LRRC59: variants seen among roughly 807,000 people sequenced by gnomAD.
LRRC59 encodes leucine rich repeat containing 59.
LRRC59 carries 18 observed loss-of-function variants against 33.5 expected under a neutral mutation model. That is an observed-to-expected ratio of 0.54 (90% confidence interval 0.37 to 0.80). The LOEUF is 0.80. Ranked by LOEUF, LRRC59 falls within the 30% of genes least tolerant of loss-of-function variation. The pLI, the probability that LRRC59 is intolerant of heterozygous loss-of-function variation, is 0.00. For missense variants in LRRC59, 330 were observed against 391.9 expected (o/e 0.84, Z 1.33); for synonymous variants, 138 against 160.0 (o/e 0.86, Z 1.04).
intron 4 of LRRC59, among the ~76,000 whole-genome samples, chr17:50,389,912 A>G (rs1043907831): frequency 3.9e-5 from 6 of 152,076 alleles, no homozygotes; most frequent in Non-Finnish European, 8.8e-5. Context: ...CCTGACCGAT[A>G]TGGTGAAACT....
Position 50,381,289 on chromosome 17 carries a change from A to G in LRRC59, c.*1699T>C, listed in dbSNP as rs1913827952. The stretch of plus-strand genomic sequence containing the variant: ...GTAGAAATCCAAAAGAATTAGCATC[A>G]AATCTTGAAGTCGTGAGTGAAGCTG... On this transcript the variant is annotated 3_prime_UTR_variant, in exon 7 of 7. Transcript: ENST00000225972. The G allele has an allele frequency of 4.2e-6, 1 of 238,084 alleles. No individual in the cohort carries two copies. Among genetic ancestry groups the G allele is most frequent in the Admixed American group, 5.0e-5 (1 of 19,944 alleles). 14.7% of individuals were successfully genotyped at this position (238,084 alleles called of 1,614,324 possible).
intron 4 of LRRC59, among the ~76,000 whole-genome samples, chr17:50,389,950 T>C (rs943636431): frequency 9.2e-5 from 14 of 151,670 alleles, no homozygotes; most frequent in African/African-American, 3.4e-4. Flanking sequence ...ATACAAAAAT[T>C]AGCTGGGTGT....
intron 4 of LRRC59, among the ~76,000 whole-genome samples, chr17:50,389,970 C>T (rs1598369523): frequency 6.6e-6 from 1 of 151,672 alleles, no homozygotes; most frequent in East Asian, 1.9e-4. Context: ...TGGTGGTGTG[C>T]GCCTGTAATC....
chr17:50,393,853 T>C (rs1914208423), intron 2 of LRRC59, among the ~76,000 whole-genome samples: 1 of 152,176 alleles, frequency 6.6e-6, no homozygotes, highest in Non-Finnish European at 1.5e-5. Context: ...ATTGCTAACC[T>C]GCTTTTATTT....
At chr17:50,388,309 TAGA>T (rs1453603969) in intron 4 of LRRC59, among the ~76,000 whole-genome samples, 177 bp from the exon 5 acceptor site, 1 of 152,164 alleles carries the variant, frequency 6.6e-6, no homozygotes, top group Non-Finnish European at 1.5e-5. Flanking sequence ...GAAGCCGAGA[TAGA>T]AGGACTGCTT....
chr17:50,389,671 G>A (rs901802131), intron 4 of LRRC59, among the ~76,000 whole-genome samples: 3 of 152,118 alleles, frequency 2.0e-5, no homozygotes, highest in South Asian at 2.1e-4. Context: ...ATATGCATGC[G>A]CACGAGACAG....
chr17:50,395,356 C>CA (rs11405361), intron 1 of LRRC59, among the ~76,000 whole-genome samples: 51,368 of 126,906 alleles, frequency 0.4, 9,891 homozygotes, highest in Middle Eastern at 0.48. Flanking sequence ...GACCCCATCT[C>CA]AAAAAAAAAA....
At chr17:50,390,491 C>CAA (rs796517826) in intron 4 of LRRC59, among the ~76,000 whole-genome samples, 3,887 of 135,976 alleles carry the variant, frequency 0.029, 100 homozygotes, top group African/African-American at 0.064. Context: ...GACCCCATGT[C>CAA]AAAAAAAAAA....
In LRRC59 at chr17:50,397,337, G is replaced by T; in HGVS notation, c.-20C>A. On this transcript the variant is annotated 5_prime_UTR_variant, in exon 1 of 7. Coordinates refer to ENST00000225972, the MANE Select transcript of LRRC59 (RefSeq NM_018509.4). ...GGTCATGGTAACGCCGGCTGAGCGG[G>T]CCCCGGCTCCGGGGTTCCGGCGGGT... The T allele has an allele frequency of 1.9e-6, 3 of 1,590,124 alleles. No individual in the cohort carries two copies. The highest frequency in any genetic ancestry group is 2.6e-6 in the Non-Finnish European group (3 of 1,166,284).
At chr17:50,390,957 A>C (rs1044826701) in intron 4 of LRRC59, among the ~76,000 whole-genome samples, 1 of 152,244 alleles carries the variant, frequency 6.6e-6, no homozygotes, top group Non-Finnish European at 1.5e-5. Context: ...GTATGTCAAA[A>C]ACTGGAATAT....
chr17:50,391,695 C>G (rs1429258490), intron 4 of LRRC59, among the ~76,000 whole-genome samples: 1 of 152,156 alleles, frequency 6.6e-6, no homozygotes, highest in Non-Finnish European at 1.5e-5. Flanking sequence ...CCAGGTCTGC[C>G]CAGGACGTGC....
At chr17:50,392,981 T>G in intron 2 of LRRC59, 84 bp from the exon 3 acceptor site, 11 of 1,276,356 alleles carry the variant, frequency 8.6e-6, no homozygotes, top group African/African-American at 3.0e-5. Flanking sequence ...TACAAATTTG[T>G]AACCTTTCTT....
At chr17:50,386,390 T>G (rs543418621) in intron 5 of LRRC59, 1 of 152,378 alleles carries the variant, frequency 6.6e-6, no homozygotes, top group South Asian at 2.1e-4. Flanking sequence ...GTTCTAAAAA[T>G]GCATTTCCAA....
In LRRC59 at chr17:50,382,851, A is replaced by C; in HGVS notation, c.*137T>G. The C allele has an allele frequency of 9.3e-7, 1 of 1,070,816 alleles. No individual in the cohort carries two copies. The highest frequency in any genetic ancestry group is 1.7e-5 in the South Asian group (1 of 60,020). 66.3% of individuals were successfully genotyped at this position (1,070,816 alleles called of 1,614,324 possible). ...GGAATGAAGAAGTCCTACAAAGAGG[A>C]GGTCTCATGTACCAATCTGCAGCCA... is the stretch of plus-strand genomic sequence containing the variant. On this transcript the variant is annotated 3_prime_UTR_variant, in exon 7 of 7. Coordinates refer to ENST00000225972, the MANE Select transcript of LRRC59 (RefSeq NM_018509.4).
chr17:50,397,088 C>G (rs1177886285), intron 1 of LRRC59, 125 bp downstream of exon 1: 1 of 715,264 alleles, frequency 1.4e-6, no homozygotes. Context: ...GACTTAGTCC[C>G]ACCACCCCGC....
At position 50,383,194 on chromosome 17, in the gene LRRC59, T is replaced by C. The variant is rs1913912445; in HGVS notation, c.718A>G (p.Lys240Glu). 2 of 1,558,268 alleles carry C rather than the reference T, an allele frequency of 1.3e-6. No individual in the cohort carries two copies. The highest frequency in any genetic ancestry group is 4.8e-5 in the East Asian group (2 of 41,922). The change falls in exon 7 of 7, where the codon AAG becomes GAG. Residue 240 changes from lysine (K) to glutamate (E), a missense_variant. Lys to Glu is a moderately conservative substitution (Grantham distance 56). Transcript: ENST00000225972. ...GSRPRKPPPR[K>E]HTRSWAVLKL... ...AGCACAGCCCAGGAACGAGTGTGCT[T>C]CCGGGGTGGTGGCTTGCGGGGACGG... is the stretch of plus-strand genomic sequence containing the variant.
chr17:50,382,745 C>T lies in LRRC59; in HGVS notation c.*243G>A. ...TCTCTCCCCACCCCCAAGCCTACTC[C>T]TTTAGGCATGCAGGTAACTGCCCCC... is the stretch of plus-strand genomic sequence containing the variant. On this transcript the variant is annotated 3_prime_UTR_variant, in exon 7 of 7. Coordinates refer to ENST00000225972, the MANE Select transcript of LRRC59 (RefSeq NM_018509.4). The T allele has an allele frequency of 1.8e-6, 1 of 558,632 alleles. No individual in the cohort carries two copies. The highest frequency in any genetic ancestry group is 3.2e-6 in the Non-Finnish European group (1 of 315,318). The allele number at this position is 558,632 out of a possible 1,614,324, so 34.6% of individuals were successfully genotyped here.
At chr17:50,390,398 G>A (rs1475829203) in intron 4 of LRRC59, among the ~76,000 whole-genome samples, 4 of 148,606 alleles carry the variant, frequency 2.7e-5, no homozygotes, top group South Asian at 2.2e-4. Flanking sequence ...AAGCTGAGGT[G>A]GGAGAACTGC....
At position 50,382,567 on chromosome 17, in the gene LRRC59, C is replaced by A; in HGVS notation, c.*421G>T. 1 of 184,584 alleles carries A rather than the reference C, an allele frequency of 5.4e-6. No individual in the cohort carries two copies. Among genetic ancestry groups the A allele is most frequent in the East Asian group, 1.4e-4 (1 of 6,940 alleles). The allele number at this position is 184,584 out of a possible 1,614,324, so 11.4% of individuals were successfully genotyped here. ...TTACTGAGCGTGGTGTTCTAGTCCC[C>A]CCCAGTTCCTCCTGATCTACCCTGA... On this transcript the variant is annotated 3_prime_UTR_variant, in exon 7 of 7. Coordinates refer to ENST00000225972, the MANE Select transcript of LRRC59 (RefSeq NM_018509.4).
Sources: allele counts gnomAD v4.1 joint callset (sites outside exome capture counted in the v4.1 genomes callset), GRCh38; gene constraint gnomAD v4.1.1; transcripts MANE v1.5; gene names NCBI Gene and HGNC (gene_info 2026-07-23, HGNC 2026-07-21).